The following ATXN1 variants were observed in gnomAD, a reference collection of about 807,000 sequenced individuals.
The protein encoded by ATXN1 is ataxin-1.
In ATXN1, 8 loss-of-function variants were observed where a neutral mutation model predicts 56.4. The observed-to-expected ratio is 0.14, with a 90% CI of 0.08 to 0.26. The LOEUF is 0.26. Ranked by LOEUF, ATXN1 falls within the 10% of genes least tolerant of loss-of-function variation. ATXN1 has a pLI of 1.00. For synonymous variants in ATXN1, 514 were observed against 494.6 expected (o/e 1.04, Z -0.52); for missense variants, 987 against 1,106.5 (o/e 0.89, Z 1.53).
intron 4 of ATXN1, among the ~76,000 whole-genome samples, chr6:16,524,889 C>G (rs1285570285): frequency 6.6e-6 from 1 of 152,114 alleles, no homozygotes; most frequent in Non-Finnish European, 1.5e-5. Context: ...CCCATCTCTA[C>G]TAAAAATACA....
chr6:16,750,679 C>G (rs920331885), intron 2 of ATXN1, among the ~76,000 whole-genome samples: 4 of 152,118 alleles, frequency 2.6e-5, no homozygotes, highest in African/African-American at 9.7e-5. Flanking sequence ...ATTATAAAAA[C>G]CTAGGTCTCT....
At chr6:16,581,195 CTG>C (rs60028007) in intron 4 of ATXN1, among the ~76,000 whole-genome samples, 21,080 of 140,046 alleles carry the variant, frequency 0.15, 1,807 homozygotes, top group African/African-American at 0.25. Context: ...CGAGAATGCA[CTG>C]TGTGTGTGTG....
chr6:16,323,388 G>A (rs564867904), intron 7 of ATXN1, among the ~76,000 whole-genome samples: 17 of 152,070 alleles, frequency 1.1e-4, no homozygotes, highest in South Asian at 2.1e-4. Context: ...GGGTGATGGC[G>A]TGTGCCTGTA....
chr6:16,492,003 A>G (rs1337851343), intron 5 of ATXN1, among the ~76,000 whole-genome samples: 1 of 152,090 alleles, frequency 6.6e-6, no homozygotes, highest in Non-Finnish European at 1.5e-5. Context: ...TAAATACAAA[A>G]AACCATGTGA....
chr6:16,559,709 G>A (rs1047340796), intron 4 of ATXN1, among the ~76,000 whole-genome samples: 6 of 151,986 alleles, frequency 3.9e-5, no homozygotes, highest in African/African-American at 1.2e-4. Flanking sequence ...TACATCTATC[G>A]TACCTTCTGT....
chr6:16,724,490 G>A (rs1193989492), intron 2 of ATXN1, among the ~76,000 whole-genome samples: 1 of 152,050 alleles, frequency 6.6e-6, no homozygotes, highest in African/African-American at 2.4e-5. Flanking sequence ...TCCATCACAG[G>A]CAACTAAATA....
chr6:16,421,683 A>G (rs1759036151), intron 6 of ATXN1, among the ~76,000 whole-genome samples: 1 of 151,968 alleles, frequency 6.6e-6, no homozygotes, highest in Middle Eastern at 3.2e-3. Flanking sequence ...GCATGCATAC[A>G]TATTTGTGGG....
chr6:16,687,227 C>T (rs1465729191), intron 2 of ATXN1, among the ~76,000 whole-genome samples: 1 of 152,132 alleles, frequency 6.6e-6, no homozygotes. Flanking sequence ...CAAAATTAAA[C>T]TTTCGACTTT....
chr6:16,509,981 C>CT (rs766931375), intron 5 of ATXN1, among the ~76,000 whole-genome samples: 4 of 152,200 alleles, frequency 2.6e-5, no homozygotes, highest in Non-Finnish European at 5.9e-5. Flanking sequence ...CTGTTGCAAA[C>CT]TAAAATCCCA....
In ATXN1 at chr6:16,305,462, A is replaced by C. The variant is rs983276982; in HGVS notation, c.*867T>G. On this transcript the variant is annotated 3_prime_UTR_variant, in exon 8 of 8. Coordinates refer to ENST00000436367, the MANE Select transcript of ATXN1 (RefSeq NM_001128164.2). ...ACCTGATTGGTTTTCCTAACACTGCACAGAAACCAGCGTGGGTGTTCGCTC... is the reference window on the plus strand; with the variant it reads ...ACCTGATTGGTTTTCCTAACACTGCCCAGAAACCAGCGTGGGTGTTCGCTC... 6.6e-6 allele frequency: 1 copy of C among 152,660 alleles called. No individual in the cohort carries two copies. The highest frequency in any genetic ancestry group is 1.5e-5 in the Non-Finnish European group (1 of 68,062). The allele number at this position is 152,660 out of a possible 1,614,324, so 9.5% of individuals were successfully genotyped here.
At chr6:16,517,778 A>G (rs1761213413) in intron 5 of ATXN1, among the ~76,000 whole-genome samples, 1 of 152,232 alleles carries the variant, frequency 6.6e-6, no homozygotes, top group Non-Finnish European at 1.5e-5. Flanking sequence ...ACATGAGAGC[A>G]CACACATGCA....
At position 16,300,968 on chromosome 6, in the gene ATXN1, A is replaced by G. The variant is rs1014931103; in HGVS notation, c.*5361T>C. The stretch of plus-strand genomic sequence containing the variant: ...AACAAAAATAACAATAAGCATAGGT[A>G]TAGTTTAAGAGCCTTTTACGTAGTA... On this transcript the variant is annotated 3_prime_UTR_variant, in exon 8 of 8. Coordinates refer to ENST00000436367, the MANE Select transcript of ATXN1 (RefSeq NM_001128164.2). The G allele has an allele frequency of 1.3e-5, 2 of 152,676 alleles. No individual in the cohort carries two copies. The highest frequency in any genetic ancestry group is 3.8e-4 in the East Asian group (2 of 5,198). The allele number at this position is 152,676 out of a possible 1,614,324, so 9.5% of individuals were successfully genotyped here.
At chr6:16,471,498 A>T (rs1760215325) in intron 6 of ATXN1, among the ~76,000 whole-genome samples, 1 of 152,172 alleles carries the variant, frequency 6.6e-6, no homozygotes, top group Admixed American at 6.5e-5. Context: ...ATTGGATCAG[A>T]GGGGTTTTAA....
chr6:16,731,636 C>T (rs1223547160), intron 2 of ATXN1, among the ~76,000 whole-genome samples: 1 of 151,834 alleles, frequency 6.6e-6, no homozygotes, highest in Non-Finnish European at 1.5e-5. Context: ...TTTCTGCTAC[C>T]ACACTAGAAG....
intron 2 of ATXN1, among the ~76,000 whole-genome samples, chr6:16,734,714 G>A (rs940422874): frequency 1.2e-4 from 19 of 152,108 alleles, no homozygotes; most frequent in African/African-American, 3.1e-4. Flanking sequence ...GGCTGGTCTC[G>A]AACTATGGAC....
intron 4 of ATXN1, among the ~76,000 whole-genome samples, chr6:16,570,089 C>A (rs1260700699): frequency 6.6e-6 from 1 of 152,220 alleles, no homozygotes; most frequent in Non-Finnish European, 1.5e-5. Context: ...CTTGTTATTG[C>A]AACATCCTTG....
At chr6:16,742,264 T>C (rs1407275855) in intron 2 of ATXN1, among the ~76,000 whole-genome samples, 2 of 152,190 alleles carry the variant, frequency 1.3e-5, no homozygotes, top group Admixed American at 1.3e-4. Context: ...ACACATTCTT[T>C]CCCACTTCCT....
At chr6:16,404,339 A>G (rs966133321) in intron 6 of ATXN1, among the ~76,000 whole-genome samples, 18 of 152,334 alleles carry the variant, frequency 1.2e-4, no homozygotes, top group African/African-American at 4.1e-4. Flanking sequence ...CCTTGTTTGA[A>G]CTGAGCATGT....
chr6:16,400,025 G>T (rs912266467), intron 6 of ATXN1, among the ~76,000 whole-genome samples: 1 of 152,134 alleles, frequency 6.6e-6, no homozygotes, highest in Non-Finnish European at 1.5e-5. Flanking sequence ...GAGCATGTGG[G>T]AAATGCAGAA....
Sources: gnomAD v4.1 joint callset for allele counts (sites outside exome capture counted in the v4.1 genomes callset) on GRCh38, gnomAD v4.1.1 for gene constraint, MANE v1.5 for transcripts, NCBI Gene and HGNC (gene_info 2026-07-23, HGNC 2026-07-21) for gene names.